The following ATP2C1 variants were observed in gnomAD, a reference collection of about 807,000 sequenced individuals.
The protein encoded by ATP2C1 is ATPase secretory pathway Ca2+ transporting 1.
ATP2C1 carries 31 observed loss-of-function variants against 120.5 expected under a neutral mutation model. That is an observed-to-expected ratio of 0.26 (90% CI 0.19 to 0.35). The LOEUF (loss-of-function observed/expected upper bound fraction) is 0.35. ATP2C1 is among the 10% of genes least tolerant of loss of function. The pLI is 1.00. For synonymous variants in ATP2C1, 351 were observed against 358.7 expected (o/e 0.98, Z 0.24); for missense variants, 731 against 1,107.5 (o/e 0.66, Z 4.83).
At chr3:130,931,204 A>G (rs890936150) in intron 3 of ATP2C1, among the ~76,000 whole-genome samples, 1 of 152,020 alleles carries the variant, frequency 6.6e-6, no homozygotes, top group Admixed American at 6.6e-5. Flanking sequence ...GTTTGTTTTG[A>G]AAGGCTCCTT....
intron 2 of ATP2C1, among the ~76,000 whole-genome samples, chr3:130,907,597 A>G (rs896322894): frequency 1.3e-5 from 2 of 152,094 alleles, no homozygotes; most frequent in African/African-American, 4.8e-5. Context: ...GTTTATTTCT[A>G]GACTCTGAAT....
At chr3:130,872,642 T>C (rs974123474) in intron 1 of ATP2C1, among the ~76,000 whole-genome samples, 3 of 152,014 alleles carry the variant, frequency 2.0e-5, no homozygotes, top group Non-Finnish European at 2.9e-5. Context: ...TGGAGTGCAG[T>C]GGCACGAAAT....
chr3:130,911,974 C>G (rs1186485821), intron 2 of ATP2C1, among the ~76,000 whole-genome samples: 4 of 129,666 alleles, frequency 3.1e-5, no homozygotes, highest in African/African-American at 1.2e-4. Flanking sequence ...TGATCTTTGA[C>G]AAACCTGAGA....
chr3:130,928,357 G>C (rs186064639), intron 2 of ATP2C1: 11 of 152,070 alleles, frequency 7.2e-5, no homozygotes, highest in Admixed American at 4.6e-4. Flanking sequence ...AAATAATACC[G>C]TTTCCTACTC....
intron 16 of ATP2C1, among the ~76,000 whole-genome samples, chr3:130,967,896 G>A (rs1280566262): frequency 2.6e-5 from 4 of 151,990 alleles, no homozygotes; most frequent in African/African-American, 7.3e-5. Flanking sequence ...TTTGTTTTGG[G>A]GAGAAGAAGT....
chr3:130,997,876 T>C, intron 25 of ATP2C1, 123 bp downstream of exon 25: 2 of 964,048 alleles, frequency 2.1e-6, no homozygotes, highest in East Asian at 2.4e-5. Context: ...GTGAAAAATA[T>C]AAGAACATTT....
At chr3:130,971,320 T>C (rs2061308469) in intron 17 of ATP2C1, among the ~76,000 whole-genome samples, 1 of 152,218 alleles carries the variant, frequency 6.6e-6, no homozygotes, top group Non-Finnish European at 1.5e-5. Context: ...TGGCAGGATA[T>C]GTTTGGAAAC....
chr3:130,850,792 C>T, exon 1 of ATP2C1: 2 of 1,130,302 alleles, frequency 1.8e-6, no homozygotes, highest in South Asian at 1.8e-5. Flanking sequence ...CAAGGAGGTG[C>T]AGACAAGGAC....
At chr3:130,998,012 TGA>T (rs1215164380) in intron 25 of ATP2C1, among the ~76,000 whole-genome samples, 1 of 152,168 alleles carries the variant, frequency 6.6e-6, no homozygotes, top group Non-Finnish European at 1.5e-5. Context: ...TTGGAAAATC[TGA>T]GTCTTAAAAT....
chr3:130,968,234 C>T (rs1431072955), intron 16 of ATP2C1, among the ~76,000 whole-genome samples: 1 of 152,122 alleles, frequency 6.6e-6, no homozygotes, highest in Non-Finnish European at 1.5e-5. Context: ...CAGCATAGTA[C>T]TCAAAACATG....
At chr3:130,963,749 C>A in intron 12 of ATP2C1, 1 of 512,734 alleles carries the variant, frequency 2.0e-6, no homozygotes, top group Non-Finnish European at 3.5e-6. Context: ...CAAATCCAGG[C>A]AATTTGATGT....
intron 1 of ATP2C1, among the ~76,000 whole-genome samples, chr3:130,859,534 C>T (rs1474936906): frequency 6.6e-6 from 1 of 152,184 alleles, no homozygotes; most frequent in African/African-American, 2.4e-5. Flanking sequence ...ACTTTAACCA[C>T]TGTTGTTTTT....
chr3:130,884,926 CTTTCTTT>C (rs2107835729), intron 1 of ATP2C1, among the ~76,000 whole-genome samples: 1 of 123,894 alleles, frequency 8.1e-6, no homozygotes, highest in African/African-American at 3.0e-5. Flanking sequence ...TCTTTCTTTT[CTTTCTTT>C]TTTTTTTTTT....
intron 20 of ATP2C1, among the ~76,000 whole-genome samples, chr3:130,989,280 A>G (rs982502969): frequency 2.0e-5 from 3 of 150,044 alleles, no homozygotes; most frequent in Non-Finnish European, 3.0e-5. Context: ...CAAACACACA[A>G]AAAAACGGCT....
chr3:130,957,172 C>T (rs1400617829), intron 11 of ATP2C1, among the ~76,000 whole-genome samples: 1 of 152,160 alleles, frequency 6.6e-6, no homozygotes, highest in Non-Finnish European at 1.5e-5. Context: ...GTTAAAACAT[C>T]CCCTTTTCCT....
chr3:130,916,541 T>A (rs1004571642), intron 2 of ATP2C1, among the ~76,000 whole-genome samples: 3 of 152,038 alleles, frequency 2.0e-5, no homozygotes, highest in Admixed American at 6.5e-5. Flanking sequence ...ATATATATAT[T>A]TTTTCTTTCT....
intron 20 of ATP2C1, among the ~76,000 whole-genome samples, chr3:130,981,426 CT>C (rs2061759472): frequency 6.6e-6 from 1 of 152,044 alleles, no homozygotes. Flanking sequence ...TGTACCTTAC[CT>C]ATTCACCAGT....
chr3:130,908,989 C>T (rs1261024793), intron 2 of ATP2C1, among the ~76,000 whole-genome samples: 1 of 152,016 alleles, frequency 6.6e-6, no homozygotes, highest in East Asian at 1.9e-4. Context: ...TTTAATTTAT[C>T]AAATGAAGAA....
downstream of ATP2C1, chr3:131,003,342 G>T (rs1407427853): frequency 2.7e-5 from 6 of 225,946 alleles, no homozygotes; most frequent in South Asian, 7.9e-4. Context: ...TGACATGGAT[G>T]AGTTAAATGG....
Sources: allele counts gnomAD v4.1 joint callset (sites outside exome capture counted in the v4.1 genomes callset), GRCh38; gene constraint gnomAD v4.1.1; transcripts MANE v1.5; gene names NCBI Gene and HGNC (gene_info 2026-07-23, HGNC 2026-07-21).